The following UBL3 variants were observed in gnomAD, a reference collection of about 807,000 sequenced individuals.
The protein encoded by UBL3 is ubiquitin like 3.
Under a neutral mutation model 18.4 loss-of-function variants are expected in UBL3, and 6 were observed. The ratio of observed to expected loss-of-function variants is 0.33; its 90% CI spans 0.18 to 0.64. The LOEUF (loss-of-function observed/expected upper bound fraction) is 0.64, where lower values mean the gene tolerates loss of function less well. Ranked by LOEUF, UBL3 falls within the 30% of genes least tolerant of loss-of-function variation. The pLI, the probability that UBL3 is intolerant of heterozygous loss-of-function variation, is 0.76. For missense variants in UBL3, 109 were observed against 142.9 expected, an observed-to-expected ratio of 0.76 and a Z score of 1.21; for synonymous variants, 49 against 46.6, an observed-to-expected ratio of 1.05 and a Z score of -0.21.
chr13:29,829,394 G>A lies in UBL3; in HGVS notation c.27+20118C>T, dbSNP rs1228168014. Among the ~76,000 whole-genome samples the A allele has an allele frequency of 4.6e-5, 7 of 152,322 alleles. No homozygotes were observed. In the East Asian group the frequency reaches 7.7e-4, roughly 17 times the overall value. Reference sequence around the variant, plus strand: ...TACTCAAGCCTCAGCAATGGCGGGCGCCCCTCCCCCAGCCTCGCTGCTGCC... The same window carrying A: ...TACTCAAGCCTCAGCAATGGCGGGCACCCCTCCCCCAGCCTCGCTGCTGCC... On this transcript the variant is annotated intron_variant, in intron 1 of 4. Transcript: ENST00000380680.
At chr13:29,777,088 T>C in intron 2 of UBL3, 67 bp downstream of exon 2, 3 of 1,213,358 alleles carry the variant, frequency 2.5e-6, no homozygotes, top group Non-Finnish European at 3.3e-6. Context: ...AGTTTCAAAA[T>C]GTTTGTGAGA....
intron 1 of UBL3, among the ~76,000 whole-genome samples, chr13:29,806,823 C>T (rs1010366387): frequency 2.0e-5 from 3 of 152,196 alleles, no homozygotes; most frequent in Admixed American, 6.5e-5. Flanking sequence ...ACTCATAATT[C>T]ACTTTATTGT....
At chr13:29,780,319 A>C (rs1209903495) in intron 1 of UBL3, among the ~76,000 whole-genome samples, 1 of 131,282 alleles carries the variant, frequency 7.6e-6, no homozygotes, top group Middle Eastern at 4.6e-3. Context: ...GTGCCACTGC[A>C]CTCCAGCCTG....
chr13:29,806,829 AT>A (rs912751648), intron 1 of UBL3, among the ~76,000 whole-genome samples: 1 of 152,054 alleles, frequency 6.6e-6, no homozygotes, highest in Non-Finnish European at 1.5e-5. Flanking sequence ...AATTCACTTT[AT>A]TGTCTTTTGT....
chr13:29,822,734 C>T (rs1330296559), intron 1 of UBL3, among the ~76,000 whole-genome samples: 3 of 151,692 alleles, frequency 2.0e-5, no homozygotes, highest in Non-Finnish European at 4.4e-5. Flanking sequence ...AAATACGGTA[C>T]AGCTATGATG....
chr13:29,826,463 A>G (rs1639574719), intron 1 of UBL3, among the ~76,000 whole-genome samples: 2 of 152,134 alleles, frequency 1.3e-5, no homozygotes, highest in Non-Finnish European at 2.9e-5. Flanking sequence ...CATTTCTTCT[A>G]GATTTTCTAG....
chr13:29,803,753 T>A (rs1877832173), intron 1 of UBL3, among the ~76,000 whole-genome samples: 1 of 152,072 alleles, frequency 6.6e-6, no homozygotes, highest in Non-Finnish European at 1.5e-5. Flanking sequence ...CCTAAACATA[T>A]CTGCACCCAA....
intron 1 of UBL3, among the ~76,000 whole-genome samples, chr13:29,835,753 CAAAAAA>C (rs34271187): frequency 2.7e-5 from 1 of 37,006 alleles, no homozygotes; most frequent in Non-Finnish European, 4.8e-5. Flanking sequence ...GACGCTGTCT[CAAAAAA>C]AAAAAAAAAA....
intron 1 of UBL3, among the ~76,000 whole-genome samples, chr13:29,831,880 T>C (rs1453356307): frequency 6.6e-6 from 1 of 152,070 alleles, no homozygotes; most frequent in Non-Finnish European, 1.5e-5. Flanking sequence ...ATATAAACCA[T>C]ACAAGTGCAC....
intron 1 of UBL3, among the ~76,000 whole-genome samples, chr13:29,827,661 A>G (rs955521211): frequency 2.6e-4 from 39 of 152,086 alleles, no homozygotes; most frequent in African/African-American, 9.4e-4. Flanking sequence ...TTTTAATTGG[A>G]GCATTTAGTC....
At chr13:29,835,089 A>T (rs75630564) in intron 1 of UBL3, among the ~76,000 whole-genome samples, 1,622 of 73,836 alleles carry the variant, frequency 0.022, 44 homozygotes, top group African/African-American at 0.031. Context: ...TATAAATATA[A>T]ATATATATAT....
intron 1 of UBL3, among the ~76,000 whole-genome samples, chr13:29,848,570 A>G (rs1879286779): frequency 6.6e-6 from 1 of 152,184 alleles, no homozygotes; most frequent in African/African-American, 2.4e-5. Flanking sequence ...AAATGTTAAC[A>G]TATGTGAGCA....
At chr13:29,791,843 T>C (rs1877487475) in intron 1 of UBL3, among the ~76,000 whole-genome samples, 1 of 152,210 alleles carries the variant, frequency 6.6e-6, no homozygotes, top group Admixed American at 6.5e-5. Context: ...ACATCTGTTA[T>C]TGTAGCAAGA....
chr13:29,831,898 T>C lies in UBL3; in HGVS notation c.27+17614A>G, dbSNP rs187317895. On this transcript the variant is annotated intron_variant, in intron 1 of 4. Coordinates refer to ENST00000380680, the MANE Select transcript of UBL3 (RefSeq NM_007106.4). Reference sequence around the variant, plus strand: ...TAAACCATACAAGTGCACTGTCCAATAATAGTAGCCACTAGATACACATAG... The same window carrying C: ...TAAACCATACAAGTGCACTGTCCAACAATAGTAGCCACTAGATACACATAG... Among the ~76,000 whole-genome samples the C allele has an allele frequency of 1.2e-4, 18 of 152,238 alleles. No homozygotes were observed. The East Asian group carries it at 3.3e-3, about 28-fold the overall frequency.
intron 1 of UBL3, among the ~76,000 whole-genome samples, chr13:29,823,656 C>A (rs867038167): frequency 2.6e-5 from 4 of 152,136 alleles, no homozygotes; most frequent in Non-Finnish European, 4.4e-5. Context: ...ATGATAATTA[C>A]CTTTCCTTCT....
chr13:29,837,149 C>T (rs187322790), intron 1 of UBL3, among the ~76,000 whole-genome samples: 48 of 152,320 alleles, frequency 3.2e-4, no homozygotes, highest in Non-Finnish European at 5.6e-4. Context: ...AACCATAATT[C>T]AGATTCTCTA....
chr13:29,806,730 T>C (rs747950695), intron 1 of UBL3, among the ~76,000 whole-genome samples: 4 of 152,220 alleles, frequency 2.6e-5, no homozygotes, highest in Non-Finnish European at 5.9e-5. Context: ...ACTCCAAAAC[T>C]GGCTTCACGT....
intron 3 of UBL3, 40 bp downstream of exon 3, chr13:29,772,072 T>G: frequency 6.6e-7 from 1 of 1,518,682 alleles, no homozygotes; most frequent in Non-Finnish European, 9.1e-7. Flanking sequence ...CATGCTACCA[T>G]GAGACAGACA....
chr13:29,777,270 G>A lies in UBL3; in HGVS notation c.28-7C>T, dbSNP rs765356683. 1 of 1,597,054 alleles carries A rather than the reference G, an allele frequency of 6.3e-7. No individual in the cohort carries two copies. The highest frequency in any genetic ancestry group is 2.2e-5 in the East Asian group (1 of 44,646). ...AAATGAGGCGCAAATTTATCTGAAA[G>A]AAGACAATGATTCTTTTAACATAAA... is the stretch of plus-strand genomic sequence containing the variant. On this transcript the variant is annotated splice_polypyrimidine_tract_variant and splice_region_variant and intron_variant, in intron 1 of 4. Coordinates refer to ENST00000380680, the MANE Select transcript of UBL3 (RefSeq NM_007106.4).
Sources: allele counts gnomAD v4.1 joint callset (sites outside exome capture counted in the v4.1 genomes callset), GRCh38; gene constraint gnomAD v4.1.1; transcripts MANE v1.5; gene names NCBI Gene and HGNC (gene_info 2026-07-23, HGNC 2026-07-21).